Variants in CCNB3 observed in about 807,000 individuals in gnomAD.
CCNB3 encodes the protein cyclin B3, also known as G2/mitotic-specific cyclin-B3.
CCNB3 carries 12 observed loss-of-function variants against 68.0 expected under a neutral mutation model. That is an observed-to-expected ratio of 0.18 (90% CI 0.11 to 0.29). CCNB3 has a LOEUF of 0.29. Among genes scored for constraint, CCNB3 ranks in the 10% least tolerant of loss-of-function variants. The pLI, the probability that CCNB3 is intolerant of heterozygous loss-of-function variation, is 1.00. For missense variants in CCNB3, 904 were observed against 993.1 expected (o/e 0.91, Z 1.21); for synonymous variants, 354 against 388.9 (o/e 0.91, Z 1.06).
chrX:50,315,003 T>A (rs1319905437), intron 8 of CCNB3, among the ~76,000 whole-genome samples: 1 of 112,094 alleles, frequency 8.9e-6, no homozygotes, highest in African/African-American at 3.2e-5. Context: ...AACTAAATAT[T>A]TTTTATTTAA....
chrX:50,320,553 A>AT (rs1441048927), intron 8 of CCNB3, among the ~76,000 whole-genome samples: 4 of 109,047 alleles, frequency 3.7e-5, no homozygotes, highest in African/African-American at 1.3e-4. Flanking sequence ...ATTTTTCTTT[A>AT]TTTTTCTGTT....
chrX:50,224,859 C>T (rs1458911447), intron 1 of CCNB3, among the ~76,000 whole-genome samples: 3 of 111,619 alleles, frequency 2.7e-5, no homozygotes, highest in Non-Finnish European at 5.6e-5. Flanking sequence ...CACTTATTAG[C>T]TGTGTGATCT....
intron 8 of CCNB3, among the ~76,000 whole-genome samples, chrX:50,328,061 A>G (rs1922384767): frequency 8.9e-6 from 1 of 111,813 alleles, no homozygotes; most frequent in Non-Finnish European, 1.9e-5. Context: ...CTAGAAAAAA[A>G]AGAAAATTGA....
At chrX:50,343,241 AT>A (rs1185799214) in intron 9 of CCNB3, among the ~76,000 whole-genome samples, 9 of 108,685 alleles carry the variant, frequency 8.3e-5, no homozygotes, top group South Asian at 4.0e-4. Flanking sequence ...TTGTGTCTTC[AT>A]TTTTTTTTAT....
intron 4 of CCNB3, among the ~76,000 whole-genome samples, chrX:50,291,560 A>G (rs1244972219): frequency 8.9e-6 from 1 of 111,851 alleles, no homozygotes; most frequent in Non-Finnish European, 1.9e-5. Flanking sequence ...CACCACACCA[A>G]ACCTTCACTT....
chrX:50,342,468 A>T, intron 9 of CCNB3, 129 bp downstream of exon 9: 1 of 629,013 alleles, frequency 1.6e-6, no homozygotes, highest in Non-Finnish European at 2.3e-6. Context: ...TGGACTGCTT[A>T]TACTATGGTG....
At chrX:50,221,276 A>C (rs1935669293) in intron 1 of CCNB3, among the ~76,000 whole-genome samples, 2 of 111,103 alleles carry the variant, frequency 1.8e-5, no homozygotes, top group African/African-American at 6.6e-5. Flanking sequence ...TGTCTCCTTC[A>C]GTTCTGCTCT....
At chrX:50,208,458 C>T (rs1319477146) in intron 1 of CCNB3, among the ~76,000 whole-genome samples, 2 of 111,876 alleles carry the variant, frequency 1.8e-5, no homozygotes, top group Non-Finnish European at 3.8e-5. Context: ...TCAATGAACA[C>T]GGAACATCTT....
intron 11 of CCNB3, 56 bp downstream of exon 11, chrX:50,347,831 GCT>G: frequency 1.8e-6 from 2 of 1,118,567 alleles, no homozygotes; most frequent in Non-Finnish European, 2.4e-6. Flanking sequence ...CAGAAGGTCA[GCT>G]CATGGGGAAG....
intron 1 of CCNB3, among the ~76,000 whole-genome samples, chrX:50,281,946 C>T (rs951278719): frequency 9.0e-6 from 1 of 111,121 alleles, no homozygotes; most frequent in Admixed American, 9.6e-5. Context: ...CCACCTTCAG[C>T]TTTGGCTTTC....
Position 50,308,751 on chromosome X carries a change from G to T in CCNB3, c.582G>T (p.Gln194His). The T allele has an allele frequency of 8.3e-7, 1 of 1,211,546 alleles. No homozygotes were observed. The highest frequency in any genetic ancestry group is 1.1e-6 in the Non-Finnish European group (1 of 895,326). ...AGGTGTCCTTACTGGAAAAGCTACA[G>T]CCCCTGCAGGAGGAGAGTGACAGTG... The part of the protein sequence containing the change: ...HEEVSLLEKL[Q>H]PLQEESDSDD... Residue 194 changes from glutamine (Q) to histidine (H), a missense_variant, in exon 6 of 13, where the codon CAG (glutamine) becomes CAT (histidine). Physicochemically the swap from Gln to His is conservative, Grantham distance 24. This residue lies in a region of CCNB3 where 619 missense variants were observed against 609.8 expected (regional missense o/e 1.02). Coordinates refer to ENST00000376042, the MANE Select transcript of CCNB3 (RefSeq NM_033031.3).
intron 1 of CCNB3, among the ~76,000 whole-genome samples, chrX:50,224,434 C>T (rs1935722384): frequency 1.8e-5 from 2 of 111,085 alleles, no homozygotes; most frequent in African/African-American, 6.5e-5. Flanking sequence ...TGGATGGTAC[C>T]CAAAGAAAAG....
chrX:50,317,567 G>GTATGTATGTATGTATGTATT (rs1409621892), intron 8 of CCNB3, among the ~76,000 whole-genome samples: 2,716 of 108,283 alleles, frequency 0.025, 113 homozygotes, highest in African/African-American at 0.088. Flanking sequence ...ATGTATGTAT[G>GTATGTATGTATGTATGTATT]TATTTATTTA....
At chrX:50,325,972 A>G (rs1190786348) in intron 8 of CCNB3, among the ~76,000 whole-genome samples, 1 of 110,799 alleles carries the variant, frequency 9.0e-6, no homozygotes. Context: ...ATAGCTTTTA[A>G]TGGGTGTGGG....
intron 1 of CCNB3, among the ~76,000 whole-genome samples, chrX:50,227,256 TATAA>T (rs1263495744): frequency 5.1e-5 from 4 of 77,935 alleles, no homozygotes; most frequent in Admixed American, 1.9e-4. Flanking sequence ...AGAATATATA[TATAA>T]ATATATATAC....
intron 8 of CCNB3, among the ~76,000 whole-genome samples, chrX:50,314,271 G>A (rs782535421): frequency 1.2e-4 from 13 of 112,033 alleles, no homozygotes; most frequent in Non-Finnish European, 2.1e-4. Context: ...TATATCTAGT[G>A]ATTTGGACTG....
Position 50,313,934 on chromosome X carries a change from T to C in CCNB3, c.3502T>C (p.Leu1168=), listed in dbSNP as rs1557215441. Residue 1168 remains leucine (L), a synonymous_variant, in exon 8 of 13, where the codon TTG becomes CTG. Coordinates refer to ENST00000376042, the MANE Select transcript of CCNB3 (RefSeq NM_033031.3). ...SDMRAILVDW[L]VEVQVSFEMT... is the part of the protein sequence containing the mutation. ...CATGAGGGCCATTCTTGTGGACTGG[T>C]TGGTGGAGGTGCAGGTAAGCCTGAC... 4.2e-6 allele frequency: 5 copies of C among 1,204,420 alleles called. No homozygotes were observed. The highest frequency in any genetic ancestry group is 3.4e-6 in the Non-Finnish European group (3 of 889,087).
Position 50,310,615 on chromosome X carries a change from C to T in CCNB3, c.2446C>T (p.Leu816Phe). ...GCCCAGCATTGAGAAGGAAGCTGTC[C>T]TCAAGGAGCCCACTATTGACACAGA... Reference protein sequence around the residue: ...EEPSIEKEAVLKEPTIDTEAH... With the variant: ...EEPSIEKEAVFKEPTIDTEAH... Residue 816 changes from leucine to phenylalanine, a missense_variant, in exon 6 of 13, where the codon CTC (leucine) becomes TTC (phenylalanine). Leu to Phe is a conservative substitution (Grantham distance 22). Transcript: ENST00000376042. The T allele has an allele frequency of 2.5e-6, 3 of 1,210,728 alleles. No homozygotes were observed. Among genetic ancestry groups the T allele is most frequent in the Non-Finnish European group, 2.2e-6 (2 of 895,200 alleles).
At chrX:50,284,747 G>A (rs1417910667) in intron 2 of CCNB3, 131 bp downstream of exon 2, 1 of 148,798 alleles carries the variant, frequency 6.7e-6, no homozygotes, top group Non-Finnish European at 1.3e-5. Flanking sequence ...TGTTTTCAAT[G>A]CAAAACTCCT....
Sources: gnomAD v4.1 joint callset for allele counts (sites outside exome capture counted in the v4.1 genomes callset) on GRCh38, gnomAD v4.1.1 for gene constraint, gnomAD v4.1.1 regional missense constraint, MANE v1.5 for transcripts, NCBI Gene and HGNC (gene_info 2026-07-23, HGNC 2026-07-21) for gene names.